The following LARS2 variants were observed in gnomAD, a reference collection of about 807,000 sequenced individuals.
LARS2 encodes leucine--tRNA ligase, mitochondrial.
LARS2 carries 81 observed loss-of-function variants against 116.6 expected under a neutral mutation model. That is an observed-to-expected ratio of 0.69 (90% CI 0.58 to 0.84). The LOEUF is 0.84. LARS2 is among the 40% of genes least tolerant of loss of function. The pLI is 0.00. For synonymous variants in LARS2, 396 were observed against 407.2 expected (o/e 0.97, Z 0.33); for missense variants, 968 against 1,114.5 (o/e 0.87, Z 1.87).
At chr3:45,407,201 C>G (rs1698247482) in intron 4 of LARS2, among the ~76,000 whole-genome samples, 1 of 152,126 alleles carries the variant, frequency 6.6e-6, no homozygotes, top group Non-Finnish European at 1.5e-5. Context: ...CCACAAATAT[C>G]AGGAAGCAAG....
chr3:45,493,467 A>G (rs1484442048), intron 13 of LARS2, among the ~76,000 whole-genome samples: 1 of 152,184 alleles, frequency 6.6e-6, no homozygotes, highest in Non-Finnish European at 1.5e-5. Context: ...AAGGCAGCCC[A>G]GTGGTACAGA....
chr3:45,542,964 G>A (rs376453818), intron 21 of LARS2, among the ~76,000 whole-genome samples: 6 of 152,374 alleles, frequency 3.9e-5, no homozygotes, highest in African/African-American at 1.4e-4. Context: ...AGGGGCTGAG[G>A]GAGGGCATAA....
chr3:45,514,558 T>G (rs1275115610), intron 16 of LARS2, among the ~76,000 whole-genome samples: 1 of 152,160 alleles, frequency 6.6e-6, no homozygotes, highest in Non-Finnish European at 1.5e-5. Context: ...AGCCTCACAG[T>G]TAGTGAAGTG....
intron 20 of LARS2, among the ~76,000 whole-genome samples, chr3:45,528,446 TAA>T (rs1700564600): frequency 6.6e-6 from 1 of 152,242 alleles, no homozygotes; most frequent in South Asian, 2.1e-4. Context: ...TTATAAAATT[TAA>T]ATACCCTAAA....
intron 11 of LARS2, among the ~76,000 whole-genome samples, chr3:45,487,394 A>G (rs535838284): frequency 2.6e-5 from 4 of 152,182 alleles, no homozygotes; most frequent in African/African-American, 4.8e-5. Flanking sequence ...AGAGCTTTTC[A>G]TCATGTTTGG....
chr3:45,416,121 C>T (rs1479549158), intron 4 of LARS2, among the ~76,000 whole-genome samples: 3 of 151,308 alleles, frequency 2.0e-5, no homozygotes, highest in African/African-American at 7.3e-5. Context: ...GGATGAACTT[C>T]AGTACTTCAG....
chr3:45,409,206 A>T (rs150321352), intron 4 of LARS2, among the ~76,000 whole-genome samples: 4 of 150,928 alleles, frequency 2.7e-5, no homozygotes, highest in African/African-American at 7.3e-5. Context: ...TTTTATTTTT[A>T]TTTTTTTTTA....
chr3:45,542,865 A>C (rs1420438720), intron 21 of LARS2, among the ~76,000 whole-genome samples: 1 of 152,266 alleles, frequency 6.6e-6, no homozygotes, highest in Non-Finnish European at 1.5e-5. Context: ...CTTAAAGCAT[A>C]GTGGAAGAGA....
At chr3:45,545,026 GGA>G (rs1353650281) in intron 21 of LARS2, among the ~76,000 whole-genome samples, 1 of 152,156 alleles carries the variant, frequency 6.6e-6, no homozygotes, top group East Asian at 1.9e-4. Flanking sequence ...TGTGTGAGCA[GGA>G]GAGAGAGGGG....
At chr3:45,459,775 A>G (rs1402235083) in intron 8 of LARS2, among the ~76,000 whole-genome samples, 1 of 152,194 alleles carries the variant, frequency 6.6e-6, no homozygotes, top group Non-Finnish European at 1.5e-5. Context: ...TCACATGGCA[A>G]TTTGGTGACC....
At chr3:45,395,061 G>C (rs914250934) in intron 3 of LARS2, among the ~76,000 whole-genome samples, 2 of 152,232 alleles carry the variant, frequency 1.3e-5, no homozygotes, top group Admixed American at 6.5e-5. Flanking sequence ...TCTACCAGAT[G>C]ATGGGTCCTT....
At chr3:45,484,362 C>G (rs2125725612) in intron 10 of LARS2, among the ~76,000 whole-genome samples, 1 of 150,980 alleles carries the variant, frequency 6.6e-6, no homozygotes. Context: ...ATCTCTTCTT[C>G]CACTGGGACT....
At chr3:45,470,870 C>T (rs1699510465) in intron 8 of LARS2, among the ~76,000 whole-genome samples, 1 of 151,830 alleles carries the variant, frequency 6.6e-6, no homozygotes, top group South Asian at 2.1e-4. Flanking sequence ...TTTCATAGCA[C>T]TTTTAAAAAG....
intron 6 of LARS2, among the ~76,000 whole-genome samples, chr3:45,424,692 C>A (rs1698565403): frequency 6.6e-6 from 1 of 152,128 alleles, no homozygotes; most frequent in African/African-American, 2.4e-5. Context: ...TTCTTCTTTG[C>A]CCTTGCCATT....
At chr3:45,446,737 A>C (rs191700408) in intron 6 of LARS2, among the ~76,000 whole-genome samples, 154 bp from the exon 7 acceptor site, 1 of 152,122 alleles carries the variant, frequency 6.6e-6, no homozygotes, top group East Asian at 1.9e-4. Context: ...ATAAATTGTG[A>C]CTCTCCTTAC....
At chr3:45,419,813 G>A (rs773955138) in intron 6 of LARS2, 84 bp downstream of exon 6, 6 of 1,128,692 alleles carry the variant, frequency 5.3e-6, no homozygotes, top group African/African-American at 1.5e-5. Flanking sequence ...CTTTGAGTTG[G>A]GAGAAGGCAA....
intron 20 of LARS2, among the ~76,000 whole-genome samples, chr3:45,525,787 G>T (rs1700522434): frequency 6.6e-6 from 1 of 152,204 alleles, no homozygotes; most frequent in Non-Finnish European, 1.5e-5. Flanking sequence ...AGAGGCCTGG[G>T]TTGAGTGTAC....
rs567844039 is a variant in LARS2, at chr3:45,459,515, G to T, written c.750+629G>T. Among the ~76,000 whole-genome samples the T allele has an allele frequency of 1.6e-4, 24 of 152,358 alleles. No homozygotes were observed. The East Asian group carries it at 4.1e-3, about 26-fold the overall frequency. On this transcript the variant is annotated intron_variant, in intron 8 of 21. Transcript: ENST00000645846. ...AGTTTTCTCATCAATACAATGAGCA[G>T]GTTGGACCAAGCAGTCTTTAAGGTG...
At chr3:45,542,021 G>T (rs1700806141) in intron 21 of LARS2, 65 bp downstream of exon 21, 1 of 1,591,828 alleles carries the variant, frequency 6.3e-7, no homozygotes, top group African/African-American at 1.3e-5. Flanking sequence ...CCTAAATACT[G>T]TGGTGGTTTT....
Sources: gnomAD v4.1 joint callset for allele counts (sites outside exome capture counted in the v4.1 genomes callset) on GRCh38, gnomAD v4.1.1 for gene constraint, MANE v1.5 for transcripts, NCBI Gene and HGNC (gene_info 2026-07-23, HGNC 2026-07-21) for gene names.